Variants in RARB observed in about 807,000 individuals in gnomAD.
RARB encodes the protein retinoic acid receptor beta, also known as HBV-activated protein.
RARB carries 17 observed loss-of-function variants against 51.9 expected under a neutral mutation model. That is an observed-to-expected ratio of 0.33 (90% CI 0.22 to 0.49). The LOEUF (loss-of-function observed/expected upper bound fraction) is 0.49, where lower values mean the gene tolerates loss of function less well. Among genes scored for constraint, RARB ranks in the 20% least tolerant of loss-of-function variants. The probability of loss-of-function intolerance (pLI) is 0.99; values close to 1 mark genes in which losing one functional copy is unlikely to be tolerated. For synonymous variants in RARB, 215 were observed against 195.4 expected (o/e 1.10, Z -0.84); for missense variants, 369 against 550.8 (o/e 0.67, Z 3.30).
chr3:25,532,597 T>A (rs745510130), intron 3 of RARB, among the ~76,000 whole-genome samples: 4 of 152,224 alleles, frequency 2.6e-5, no homozygotes, highest in Non-Finnish European at 5.9e-5. Flanking sequence ...GTGTTTGAAA[T>A]CTGCCATATA....
intron 4 of RARB, among the ~76,000 whole-genome samples, chr3:25,570,515 C>G (rs1013647156): frequency 1.3e-5 from 2 of 152,212 alleles, no homozygotes; most frequent in African/African-American, 4.8e-5. Context: ...AATGTTCCCC[C>G]TCTGCTTCCC....
chr3:25,552,410 G>A (rs2125669440), intron 3 of RARB, among the ~76,000 whole-genome samples: 1 of 152,148 alleles, frequency 6.6e-6, no homozygotes, highest in South Asian at 2.1e-4. Context: ...GGTTGGGGGA[G>A]GGCGGCCAAT....
At chr3:25,475,631 A>G (rs187740195) in intron 2 of RARB, among the ~76,000 whole-genome samples, 1 of 152,288 alleles carries the variant, frequency 6.6e-6, no homozygotes, top group African/African-American at 2.4e-5. Context: ...AGCACAGTCA[A>G]TGGATGTGGG....
chr3:25,014,413 A>G (rs1178954431), intron 2 of RARB, among the ~76,000 whole-genome samples: 3 of 152,130 alleles, frequency 2.0e-5, no homozygotes, highest in African/African-American at 7.2e-5. Context: ...CTGTAGAGAG[A>G]AGTTCAGGAG....
At chr3:25,208,345 C>T (rs1054707412) in intron 5 of RARB, among the ~76,000 whole-genome samples, 1 of 152,148 alleles carries the variant, frequency 6.6e-6, no homozygotes, top group Non-Finnish European at 1.5e-5. Context: ...AATATAAGTT[C>T]ATCAGAAGTC....
chr3:25,281,531 T>C (rs1407451178), intron 5 of RARB, among the ~76,000 whole-genome samples: 1 of 152,110 alleles, frequency 6.6e-6, no homozygotes, highest in African/African-American at 2.4e-5. Context: ...ATAGAGAGGG[T>C]ACAGTAACAA....
At chr3:24,836,939 T>C (rs1702352712) in intron 1 of RARB, among the ~76,000 whole-genome samples, 1 of 152,206 alleles carries the variant, frequency 6.6e-6, no homozygotes, top group South Asian at 2.1e-4. Flanking sequence ...CATCTACCAG[T>C]CTAAAGGTTG....
At position 24,877,346 on chromosome 3, in the gene RARB, C is replaced by CTTT. The variant is rs66976672; in HGVS notation, c.-380+18609_-380+18611dup. Among the ~76,000 whole-genome samples the CTTT allele has an allele frequency of 5.6e-4, 46 of 81,908 alleles. 2 individuals carry two copies. Among genetic ancestry groups the CTTT allele is most frequent in the Admixed American group, 1.4e-3 (8 of 5,908 alleles). 53.7% of individuals were successfully genotyped at this position (81,908 alleles called of 152,430 possible). A position where few individuals can be genotyped will look rare whatever the true frequency, so the allele number is the denominator to read the frequency against. ...ATAGTAATTTTTTAAAGCAATCTTACTTTTTTTTTTTTTTTTTGGAAAATT... is the reference window on the plus strand; with the variant it reads ...ATAGTAATTTTTTAAAGCAATCTTACTTTTTTTTTTTTTTTTTTTTGGAAAATT... On this transcript the variant is annotated intron_variant, in intron 2 of 11. Transcript: ENST00000383772.
At chr3:24,911,070 A>T (rs1276077257) in intron 2 of RARB, among the ~76,000 whole-genome samples, 1 of 152,160 alleles carries the variant, frequency 6.6e-6, no homozygotes, top group African/African-American at 2.4e-5. Context: ...ATTTTATGAC[A>T]CCTCTGCTTC....
chr3:25,376,933 A>G (rs747014147), intron 5 of RARB, among the ~76,000 whole-genome samples: 3 of 152,208 alleles, frequency 2.0e-5, no homozygotes, highest in Non-Finnish European at 4.4e-5. Context: ...CCATGTGTAA[A>G]AGATGGTGTT....
At chr3:25,121,452 T>C (rs774325815) in intron 3 of RARB, among the ~76,000 whole-genome samples, 12 of 152,290 alleles carry the variant, frequency 7.9e-5, no homozygotes, top group Non-Finnish European at 1.6e-4. Context: ...AGTTAATTGA[T>C]GTATAAACAA....
chr3:25,450,651 C>T (rs1709151545), intron 1 of RARB, among the ~76,000 whole-genome samples: 1 of 152,160 alleles, frequency 6.6e-6, no homozygotes. Context: ...TAGGAGGGGC[C>T]TGTCCTGGGC....
intron 3 of RARB, among the ~76,000 whole-genome samples, chr3:25,513,685 C>CACACACACACACACACACAT (rs1490813412): frequency 4.0e-5 from 6 of 151,894 alleles, no homozygotes; most frequent in Admixed American, 3.9e-4. Flanking sequence ...CACACACACA[C>CACACACACACACACACACAT]ATTTCATCAA....
intron 2 of RARB, among the ~76,000 whole-genome samples, chr3:25,474,661 T>A: frequency 6.6e-6 from 1 of 152,354 alleles, no homozygotes; most frequent in East Asian, 1.9e-4. Flanking sequence ...TCTTTTAGTA[T>A]GTTTGTTGTG....
At chr3:25,031,558 G>A (rs980452476) in intron 2 of RARB, among the ~76,000 whole-genome samples, 2 of 152,286 alleles carry the variant, frequency 1.3e-5, no homozygotes, top group African/African-American at 4.8e-5. Context: ...CAAAGACAAT[G>A]CCTTGAAAAC....
intron 2 of RARB, among the ~76,000 whole-genome samples, chr3:25,494,409 A>G (rs1201055474): frequency 6.6e-6 from 1 of 152,058 alleles, no homozygotes; most frequent in South Asian, 2.1e-4. Flanking sequence ...TTTTTCCACT[A>G]GAGCTGAGAT....
rs185604724 is a variant in RARB at position 25,305,864 on chromosome 3, T to C, written c.178+131289T>C. Among the ~76,000 whole-genome samples the C allele has an allele frequency of 3.3e-5, 5 of 152,268 alleles. No homozygotes were observed. The East Asian group carries it at 7.7e-4, about 24-fold the overall frequency. ...AGATTGAAGAGTAAAATGTAAGGGA[T>C]TGGTTATTTGAAACATATAAACATT... On this transcript the variant is annotated intron_variant, in intron 5 of 11. Coordinates refer to the RARB transcript ENST00000383772.
At chr3:25,080,268 T>C (rs1213301400) in intron 3 of RARB, among the ~76,000 whole-genome samples, 3 of 152,236 alleles carry the variant, frequency 2.0e-5, no homozygotes, top group Non-Finnish European at 4.4e-5. Flanking sequence ...GAGCTTTATT[T>C]CTTCTCATTG....
rs181217874 is a variant in RARB, at chr3:25,414,136, T to A, written c.179-47057T>A. 7.9e-5 allele frequency among the ~76,000 whole-genome samples: 12 copies of A among 152,270 alleles called. No individual in the cohort carries two copies. In the East Asian group the frequency reaches 2.3e-3, roughly 29 times the overall value. ...TTGCTGCCACATATATTAGATTGCA[T>A]TTCCTAGAATTTCTTTACTTAAATC... On this transcript the variant is annotated intron_variant, in intron 5 of 11. Transcript: ENST00000383772.
Sources: allele counts gnomAD v4.1 joint callset (sites outside exome capture counted in the v4.1 genomes callset), GRCh38; gene constraint gnomAD v4.1.1; transcripts MANE v1.5; gene names NCBI Gene and HGNC (gene_info 2026-07-23, HGNC 2026-07-21).